Variants in KIF15 observed in about 807,000 individuals in gnomAD.
KIF15 encodes the protein kinesin family member 15.
Under a neutral mutation model 190.6 loss-of-function variants are expected in KIF15, and 140 were observed. The observed-to-expected ratio is 0.73, with a 90% CI of 0.64 to 0.84. The LOEUF (loss-of-function observed/expected upper bound fraction) is 0.84. KIF15 is among the 40% of genes least tolerant of loss of function. The pLI is 0.00. For synonymous variants in KIF15, 528 were observed against 551.3 expected (o/e 0.96, Z 0.59); for missense variants, 1,372 against 1,584.4 (o/e 0.87, Z 2.28).
chr3:44,829,980 G>A lies in KIF15; in HGVS notation c.2953G>A (p.Ala985Thr). ...TTTCTGTCCTCATCAGAAAGTTGTAGCTGACCTCATGAACCAGATCCAGGA... is the reference window on the plus strand; with the variant it reads ...TTTCTGTCCTCATCAGAAAGTTGTAACTGACCTCATGAACCAGATCCAGGA... ...KSRDSDKKVVADLMNQIQELR... is the reference protein window; with the variant it reads ...KSRDSDKKVVTDLMNQIQELR... The change falls in exon 25 of 35, where the codon GCT becomes ACT. Residue 985 changes from alanine (A) to threonine (T), a missense_variant. Coordinates refer to ENST00000326047, the MANE Select transcript of KIF15 (RefSeq NM_020242.3). 3.2e-6 allele frequency: 5 copies of A among 1,580,816 alleles called. No homozygotes were observed. Among genetic ancestry groups the A allele is most frequent in the Non-Finnish European group, 4.3e-6 (5 of 1,166,462 alleles).
intron 6 of KIF15, among the ~76,000 whole-genome samples, chr3:44,867,685 A>G (rs974987880): frequency 1.3e-5 from 2 of 152,252 alleles, no homozygotes; most frequent in African/African-American, 4.8e-5. Flanking sequence ...TAGAAGACGT[A>G]TATTTGTACA....
intron 1 of KIF15, among the ~76,000 whole-genome samples, chr3:44,772,610 C>T (rs1259955359): frequency 1.3e-5 from 2 of 152,190 alleles, no homozygotes; most frequent in Non-Finnish European, 2.9e-5. Flanking sequence ...TTTTGAGTCC[C>T]TTATTACCCG....
In KIF15 at chr3:44,778,190, T is replaced by C. The variant is rs930231482; in HGVS notation, c.322T>C (p.Tyr108His). 5 of 1,610,926 alleles carry C rather than the reference T, an allele frequency of 3.1e-6. No individual in the cohort carries two copies. Among genetic ancestry groups the C allele is most frequent in the South Asian group, 1.1e-5 (1 of 91,014 alleles). Residue 108 changes from tyrosine (Y) to histidine (H), a missense_variant and splice_region_variant, in exon 4 of 35, where the codon TAT (tyrosine) becomes CAT (histidine). Tyr to His is a moderately conservative substitution (Grantham distance 83, BLOSUM62 2). Transcript: ENST00000326047. ...MSGYNGTIFA[Y>H]GQTGSGKTFT... ...CGGTTATAATGGTACCATCTTTGCA[T>C]AGTAAGTTGTTGACTGTGTCCTTAT...
chr3:44,855,666 G>A (rs145054741), downstream of KIF15, among the ~76,000 whole-genome samples: 25 of 152,192 alleles, frequency 1.6e-4, no homozygotes, highest in African/African-American at 5.8e-4. Context: ...AAGATTTTGG[G>A]GTGAGGGGTG....
At position 44,810,278 on chromosome 3, in the gene KIF15, G is replaced by T. The variant is rs111857077; in HGVS notation, c.1972-568G>T. ...TATTTTTATTTTTTTGAGAGACAGG[G>T]TCTCAGTCTGTCACTCAGGCTGGAG... On this transcript the variant is annotated intron_variant, in intron 16 of 34. Transcript: ENST00000326047. Among the ~76,000 whole-genome samples the T allele has an allele frequency of 3.5e-3, 534 of 152,086 alleles. 4 individuals carry two copies. Among genetic ancestry groups the T allele is most frequent in the African/African-American group, 0.012 (509 of 41,490 alleles).
At chr3:44,858,365 T>C (rs556950963) in intron 6 of KIF15, among the ~76,000 whole-genome samples, 12 of 152,322 alleles carry the variant, frequency 7.9e-5, no homozygotes, top group African/African-American at 2.6e-4. Context: ...GCCCATGCTG[T>C]AGCAGGCGAG....
downstream of KIF15, among the ~76,000 whole-genome samples, chr3:44,855,029 CAT>C (rs1337379992): frequency 8.5e-5 from 13 of 152,324 alleles, no homozygotes; most frequent in African/African-American, 2.9e-4. Flanking sequence ...GAAAGTGTCA[CAT>C]GTGTCTGTGT....
intron 20 of KIF15, 67 bp from the exon 21 acceptor site, chr3:44,825,972 G>C: frequency 7.2e-7 from 1 of 1,385,966 alleles, no homozygotes; most frequent in Non-Finnish European, 9.9e-7. Flanking sequence ...TTGAACTGCA[G>C]ATGATCTGAT....
chr3:44,866,333 A>G (rs1438535928), intron 6 of KIF15, among the ~76,000 whole-genome samples: 1 of 151,904 alleles, frequency 6.6e-6, no homozygotes, highest in Non-Finnish European at 1.5e-5. Context: ...CAGCCTCCCA[A>G]AGTGCTGGGA....
At chr3:44,831,920 A>C (rs538613709) in intron 26 of KIF15, among the ~76,000 whole-genome samples, 1 of 152,274 alleles carries the variant, frequency 6.6e-6, no homozygotes, top group Non-Finnish European at 1.5e-5. Flanking sequence ...TGGCTAACCT[A>C]TGCTACCCAT....
In KIF15 at chr3:44,841,057, A is replaced by G; in HGVS notation, c.3421-17A>G. On this transcript the variant is annotated splice_polypyrimidine_tract_variant and intron_variant, in intron 28 of 34. Coordinates refer to ENST00000326047, the MANE Select transcript of KIF15 (RefSeq NM_020242.3). The stretch of plus-strand genomic sequence containing the variant: ...TCACTTAATTGGATATTTGGATGAG[A>G]TGTGATTTTATTTTAGAGTCCTAAG... 1 of 1,589,710 alleles carries G rather than the reference A, an allele frequency of 6.3e-7. No homozygotes were observed. Among genetic ancestry groups the G allele is most frequent in the Non-Finnish European group, 8.6e-7 (1 of 1,168,314 alleles).
Position 44,768,763 on chromosome 3 carries a change from T to C in KIF15, c.20-5632T>C, listed in dbSNP as rs182097913. Among the ~76,000 whole-genome samples, 310 of 152,302 alleles carry C rather than the reference T, an allele frequency of 2.0e-3. 1 individual carries two copies. Among genetic ancestry groups the C allele is most frequent in the Middle Eastern group, 0.017 (5 of 294 alleles). On this transcript the variant is annotated intron_variant, in intron 1 of 34. Transcript: ENST00000326047. ...CTGTGTTGGGAAAATGGCAGTCAGA[T>C]TTCCCTAAGAGGCCAATCTAAAGGT...
Position 44,778,096 on chromosome 3 carries a change from T to C in KIF15, c.247-19T>C, listed in dbSNP as rs376581114. On this transcript the variant is annotated intron_variant, in intron 3 of 34. Transcript: ENST00000326047. ...TTTTCATTTTTATGATATGTTAACA[T>C]GTTTGGTTACATTTGTAGGAATCTG... 6.2e-7 allele frequency: 1 copy of C among 1,600,838 alleles called. No homozygotes were observed. Among genetic ancestry groups the C allele is most frequent in the Non-Finnish European group, 8.6e-7 (1 of 1,167,920 alleles).
chr3:44,856,479 T>C (rs1699190071), downstream of KIF15, among the ~76,000 whole-genome samples: 1 of 152,172 alleles, frequency 6.6e-6, no homozygotes, highest in Admixed American at 6.5e-5. Flanking sequence ...GACGATAGAA[T>C]AGAATGGGCC....
intron 30 of KIF15, among the ~76,000 whole-genome samples, chr3:44,845,635 C>T (rs192799802): frequency 7.5e-4 from 114 of 152,242 alleles, no homozygotes; most frequent in African/African-American, 2.6e-3. Context: ...AATGGAGTCA[C>T]TTATGTCAAA....
intron 8 of KIF15, among the ~76,000 whole-genome samples, chr3:44,795,149 G>T (rs936133548): frequency 3.9e-5 from 6 of 152,178 alleles, no homozygotes; most frequent in African/African-American, 1.4e-4. Flanking sequence ...CATACCAGAG[G>T]GGATAAGGGT....
At chr3:44,778,092 A>G (rs1421507254) in intron 3 of KIF15, 23 bp from the exon 4 acceptor site, 2 of 1,595,716 alleles carry the variant, frequency 1.3e-6, no homozygotes, top group African/African-American at 2.7e-5. Context: ...ATGATATGTT[A>G]ACATGTTTGG....
At position 44,826,080 on chromosome 3, in the gene KIF15, A is replaced by G. The variant is rs369942687; in HGVS notation, c.2591A>G (p.Gln864Arg). ...EKLLESKACL[Q>R]DSYDNLQEIM... ...CTGCTTGAGAGCAAAGCCTGCCTAC[A>G]GGATTCCTATGACAACTTACAAGAA... The change falls in exon 21 of 35, where the codon CAG becomes CGG. Residue 864 changes from glutamine (Q) to arginine (R), a missense_variant. By Grantham distance (43) the Gln-to-Arg change is conservative. Transcript: ENST00000326047. 1.2e-5 allele frequency: 19 copies of G among 1,590,872 alleles called. No homozygotes were observed. The Admixed American group carries it at 1.3e-4, about 11-fold the overall frequency.
Position 44,802,797 on chromosome 3 carries a change from A to C in KIF15, c.1510-17A>C. The C allele has an allele frequency of 6.5e-7, 1 of 1,537,294 alleles. No homozygotes were observed. Among genetic ancestry groups the C allele is most frequent in the Non-Finnish European group, 8.7e-7 (1 of 1,149,098 alleles). ...TGTTTGTAAATATATAATGCGTGTA[A>C]TTCTTCTATGTCACAGATAGAGCAC... On this transcript the variant is annotated splice_polypyrimidine_tract_variant and intron_variant, in intron 13 of 34. Coordinates refer to ENST00000326047, the MANE Select transcript of KIF15 (RefSeq NM_020242.3).
Sources: allele counts gnomAD v4.1 joint callset (sites outside exome capture counted in the v4.1 genomes callset), GRCh38; gene constraint gnomAD v4.1.1; transcripts MANE v1.5; gene names NCBI Gene and HGNC (gene_info 2026-07-23, HGNC 2026-07-21).